Variants in MYOM1 observed in about 807,000 individuals in gnomAD.
MYOM1 encodes myomesin-1.
MYOM1 carries 164 observed loss-of-function variants against 205.3 expected under a neutral mutation model. The ratio of observed to expected loss-of-function variants is 0.80; its 90% CI spans 0.70 to 0.91. The LOEUF (loss-of-function observed/expected upper bound fraction) is 0.91, where lower values mean the gene tolerates loss of function less well. MYOM1 is among the 40% of genes least tolerant of loss of function. The pLI is 0.00. For missense variants in MYOM1, 2,011 were observed against 2,127.3 expected, an observed-to-expected ratio of 0.95 and a Z score of 1.08; for synonymous variants, 772 against 789.4, an observed-to-expected ratio of 0.98 and a Z score of 0.37.
chr18:3,189,795 C>G lies in MYOM1; in HGVS notation c.432-708G>C, dbSNP rs1463380877. On this transcript the variant is annotated intron_variant, in intron 3 of 37. Transcript: ENST00000356443. This position sits in a 1 kb window ranked among gnomAD's most constrained non-coding sequence, Gnocchi z 4.8. ...TGTTTAAAATAAAAGATTATGGTTC[C>G]TTTCCAGAAAAGCTATATTGTCAAA... Among the ~76,000 whole-genome samples the G allele has an allele frequency of 6.6e-6, 1 of 152,156 alleles. No homozygotes were observed. The highest frequency in any genetic ancestry group is 2.4e-5 in the African/African-American group (1 of 41,440).
chr18:3,197,649 G>A (rs553334898), intron 2 of MYOM1, among the ~76,000 whole-genome samples: 10 of 152,008 alleles, frequency 6.6e-5, no homozygotes, highest in East Asian at 5.9e-4. Context: ...CAAGGCGGGC[G>A]GATCACGAGG....
intron 33 of MYOM1, among the ~76,000 whole-genome samples, chr18:3,083,416 TTTTTC>T (rs1458524909): frequency 2.2e-5 from 2 of 91,890 alleles, no homozygotes; most frequent in African/African-American, 8.7e-5. Flanking sequence ...TTCTTTTTTC[TTTTTC>T]TTTTTCTTTT....
intron 20 of MYOM1, 27 bp downstream of exon 20, chr18:3,119,842 G>A: frequency 6.3e-7 from 1 of 1,586,056 alleles, no homozygotes; most frequent in Non-Finnish European, 8.6e-7. Context: ...CCGAGGTGCG[G>A]TGTGGAGGCA....
chr18:3,245,327 A>C, the MYOM1 span, among the ~76,000 whole-genome samples: 1 of 151,900 alleles, frequency 6.6e-6, no homozygotes, highest in African/African-American at 2.4e-5. Flanking sequence ...GTGAGCTGTG[A>C]TAGAACACAG....
Position 3,215,008 on chromosome 18 carries a change from C to T in MYOM1, c.216G>A (p.Gln72=). The part of the protein sequence containing the change: ...RRASASSSQQ[Q]ASQHALSSEV... ...CAGAGCTCAGGGCGTGCTGCGAGGC[C>T]TGCTGCTGGGAGGAGGAGGCGGACG... is the stretch of plus-strand genomic sequence containing the variant. The change falls in exon 2 of 38, where the codon CAG becomes CAA. Residue 72 remains glutamine (Q), a synonymous_variant. Transcript: ENST00000356443. 4 of 1,612,172 alleles carry T rather than the reference C, an allele frequency of 2.5e-6. No individual in the cohort carries two copies. The highest frequency in any genetic ancestry group is 2.5e-6 in the Non-Finnish European group (3 of 1,179,034).
intron 8 of MYOM1, among the ~76,000 whole-genome samples, chr18:3,170,611 C>T (rs1298723198): frequency 6.6e-6 from 1 of 152,078 alleles, no homozygotes; most frequent in Non-Finnish European, 1.5e-5. Flanking sequence ...ATGCAGCCTG[C>T]GTAATCAACT....
At chr18:3,133,458 AC>A (rs2079907013) in intron 16 of MYOM1, among the ~76,000 whole-genome samples, 1 of 152,214 alleles carries the variant, frequency 6.6e-6, no homozygotes, top group East Asian at 1.9e-4. Context: ...GAAGAAACCA[AC>A]CCTCTCCCCA....
Position 3,149,180 on chromosome 18 carries a change from G to C in MYOM1, c.1865C>G (p.Thr622Ser), listed in dbSNP as rs1193793839. ...CTCTTCAGTAACAATGATCTGTCCA[G>C]TCCAGGGTGCTGAGGGGCGACCTGA... ...RLKSRPSAPW[T>S]GQIIVTEEEP... Residue 622 changes from threonine (T) to serine (S), a missense_variant, in exon 13 of 38, where the codon ACT (threonine) becomes AGT (serine). Transcript: ENST00000356443. The C allele has an allele frequency of 6.2e-7, 1 of 1,613,802 alleles. No homozygotes were observed.
chr18:3,211,406 T>C (rs1330304160), intron 2 of MYOM1, among the ~76,000 whole-genome samples: 2 of 152,186 alleles, frequency 1.3e-5, no homozygotes, highest in East Asian at 1.9e-4. Flanking sequence ...CGATGAAAAC[T>C]ACAGTCCCTC....
At chr18:3,105,543 C>G (rs551265644) in intron 22 of MYOM1, among the ~76,000 whole-genome samples, 2 of 152,082 alleles carry the variant, frequency 1.3e-5, no homozygotes, top group Non-Finnish European at 2.9e-5. Context: ...TGGTCCCAAA[C>G]CCATGAAACT....
chr18:3,247,279 G>A, the MYOM1 span: 5 of 152,378 alleles, frequency 3.3e-5, no homozygotes, highest in South Asian at 1.0e-3. Context: ...ACTGCACACA[G>A]AGCTAGCATC....
chr18:3,138,754 C>G (rs566944541), intron 14 of MYOM1, among the ~76,000 whole-genome samples: 28 of 152,304 alleles, frequency 1.8e-4, no homozygotes, highest in African/African-American at 6.7e-4. Flanking sequence ...ACTCTTTACT[C>G]CTCTCAACTA....
chr18:3,089,159 T>G lies in MYOM1; in HGVS notation c.4137+15A>C. 1.3e-6 allele frequency: 2 copies of G among 1,579,670 alleles called. No individual in the cohort carries two copies. The highest frequency in any genetic ancestry group is 1.1e-5 in the South Asian group (1 of 87,268). ...TTCCCTTGAATCAAATATTAAAAATTTATCTACCTCTTACCTTGCATTTCA... is the reference window on the plus strand; with the variant it reads ...TTCCCTTGAATCAAATATTAAAAATGTATCTACCTCTTACCTTGCATTTCA... On this transcript the variant is annotated intron_variant, in intron 29 of 37. Coordinates refer to ENST00000356443, the MANE Select transcript of MYOM1 (RefSeq NM_003803.4).
Position 3,188,691 on chromosome 18 carries a change from A to ACACC in MYOM1, c.771+56_771+57insGGTG, listed in dbSNP as rs1555628463. ...TACACACACACACACACACACACACACCCCTTATGACATGCATTTCCACCT... is the reference window on the plus strand; with the variant it reads ...TACACACACACACACACACACACACACACCCCCCTTATGACATGCATTTCCACCT... On this transcript the variant is annotated intron_variant, in intron 4 of 37. Coordinates refer to ENST00000356443, the MANE Select transcript of MYOM1 (RefSeq NM_003803.4). 1.1e-5 allele frequency: 14 copies of ACACC among 1,329,700 alleles called. No individual in the cohort carries two copies. In the African/African-American group the frequency reaches 1.8e-4, roughly 18 times the overall value. 82.4% of individuals were successfully genotyped at this position (1,329,700 alleles called of 1,614,324 possible).
At position 3,075,780 on chromosome 18, in the gene MYOM1, A is replaced by T. The variant is rs2298537; in HGVS notation, c.4649-19T>A. ...TCGTATGCTTTAAAAGAAAAAAGAA[A>T]AGTTAGAATTTTCTCACCCAGAATT... On this transcript the variant is annotated intron_variant, in intron 34 of 37. Coordinates refer to ENST00000356443, the MANE Select transcript of MYOM1 (RefSeq NM_003803.4). The T allele has an allele frequency of 6.4e-7, 1 of 1,561,386 alleles. No homozygotes were observed. The highest frequency in any genetic ancestry group is 8.7e-7 in the Non-Finnish European group (1 of 1,149,566).
At chr18:3,145,764 G>C (rs1014556150) in intron 13 of MYOM1, among the ~76,000 whole-genome samples, 1 of 151,916 alleles carries the variant, frequency 6.6e-6, no homozygotes, top group African/African-American at 2.4e-5. Flanking sequence ...CAGAAAAAAG[G>C]AAATAATAAA....
intron 9 of MYOM1, 68 bp downstream of exon 9, chr18:3,168,749 A>G: frequency 1.3e-6 from 2 of 1,531,022 alleles, no homozygotes; most frequent in Non-Finnish European, 1.8e-6. Context: ...GCTCCGATAA[A>G]CAGATCTGCA....
intron 33 of MYOM1, among the ~76,000 whole-genome samples, chr18:3,083,157 T>A (rs2079104489): frequency 6.6e-6 from 1 of 152,146 alleles, no homozygotes; most frequent in Non-Finnish European, 1.5e-5. Context: ...ATTATAGAGA[T>A]GTCTATGAAT....
upstream of MYOM1, among the ~76,000 whole-genome samples, chr18:3,222,540 A>G (rs1275427811): frequency 6.6e-6 from 1 of 152,244 alleles, no homozygotes; most frequent in Non-Finnish European, 1.5e-5. Context: ...AACAAGGATG[A>G]AAGTTCAGTA....
Sources: gnomAD v4.1 joint callset for allele counts (sites outside exome capture counted in the v4.1 genomes callset) on GRCh38, gnomAD v4.1.1 for gene constraint, Gnocchi (gnomAD v3.1) non-coding constraint, MANE v1.5 for transcripts, NCBI Gene and HGNC (gene_info 2026-07-23, HGNC 2026-07-21) for gene names.